GPR161: variants seen among roughly 807,000 people sequenced by gnomAD.
GPR161 encodes G protein-coupled receptor 161, also known as G-protein coupled receptor RE2.
GPR161 carries 25 observed loss-of-function variants against 39.2 expected under a neutral mutation model. The ratio of observed to expected loss-of-function variants is 0.64; its 90% CI spans 0.47 to 0.89. The LOEUF is 0.89. Ranked by LOEUF, GPR161 falls within the 40% of genes least tolerant of loss-of-function variation. GPR161 has a pLI of 0.00. For missense variants in GPR161, 547 were observed against 677.8 expected, an observed-to-expected ratio of 0.81 and a Z score of 2.14; for synonymous variants, 286 against 276.6, an observed-to-expected ratio of 1.03 and a Z score of -0.34.
At chr1:168,105,508 A>G (rs3820400) in intron 1 of GPR161, among the ~76,000 whole-genome samples, 103,874 of 152,084 alleles carry the variant, frequency 0.68, 36,727 homozygotes, top group African/African-American at 0.87. Flanking sequence ...GCACATTACA[A>G]TTTGACTGTA....
chr1:168,132,746 TGTTG>T (rs1485701240), intron 1 of GPR161, among the ~76,000 whole-genome samples: 1 of 152,140 alleles, frequency 6.6e-6, no homozygotes, highest in African/African-American at 2.4e-5. Context: ...TGTTGTTGTT[TGTTG>T]GTTGGTTTTT....
At chr1:168,109,680 A>G (rs1007615677) in intron 1 of GPR161, among the ~76,000 whole-genome samples, 2 of 152,208 alleles carry the variant, frequency 1.3e-5, no homozygotes, top group Non-Finnish European at 2.9e-5. Context: ...AAATTTATAC[A>G]TTCCGGCCAG....
chr1:168,133,953 CA>C, intron 1 of GPR161: 1 of 786,524 alleles, frequency 1.3e-6, no homozygotes, highest in Non-Finnish European at 1.5e-6. Context: ...GTGGTTATCT[CA>C]AAGGTGGGGA....
chr1:168,085,876 C>T, intron 5 of GPR161, 80 bp from the exon 6 acceptor site: 1 of 1,304,054 alleles, frequency 7.7e-7, no homozygotes, highest in Non-Finnish European at 1.1e-6. Flanking sequence ...GCTGCTGCTC[C>T]ACCACCCCGG....
At chr1:168,088,962 C>T (rs1300223411) in intron 4 of GPR161, 3 of 152,200 alleles carry the variant, frequency 2.0e-5, no homozygotes, top group Non-Finnish European at 2.9e-5. Context: ...TCACAGCTCT[C>T]GACACATTCA....
At chr1:168,137,556 A>G (rs1699477076), upstream of GPR161, 1 of 668,848 alleles carries the variant, frequency 1.5e-6, no homozygotes, top group Non-Finnish European at 2.6e-6. Flanking sequence ...CTCGGAACCA[A>G]AAGGCCAGGG....
chr1:168,093,417 C>T (rs7525424), intron 3 of GPR161, among the ~76,000 whole-genome samples: 11,506 of 152,252 alleles, frequency 0.076, 530 homozygotes, highest in Middle Eastern at 0.099. Context: ...AAAGGACACA[C>T]TGTCAACTGC....
chr1:168,108,279 C>T (rs1302766296), intron 1 of GPR161, among the ~76,000 whole-genome samples: 2 of 151,914 alleles, frequency 1.3e-5, no homozygotes, highest in South Asian at 2.1e-4. Flanking sequence ...ATCTACCCCA[C>T]AACAAAAACA....
intron 1 of GPR161, among the ~76,000 whole-genome samples, chr1:168,135,210 G>A (rs1276166719): frequency 6.6e-6 from 1 of 152,190 alleles, no homozygotes; most frequent in Admixed American, 6.5e-5. Flanking sequence ...GAAACCACGT[G>A]AAAAGCACTA....
At chr1:168,137,550 G>C (rs912304588), upstream of GPR161, 3 of 679,102 alleles carry the variant, frequency 4.4e-6, no homozygotes, top group African/African-American at 5.3e-5. Context: ...CACTCCCTCG[G>C]AACCAAAAGG....
chr1:168,100,362 C>CAAAA (rs2102155079), intron 2 of GPR161, among the ~76,000 whole-genome samples: 1 of 152,100 alleles, frequency 6.6e-6, no homozygotes, highest in South Asian at 2.1e-4. Context: ...GGGAAAACAA[C>CAAAA]AAAAGCAACT....
intron 4 of GPR161, among the ~76,000 whole-genome samples, chr1:168,089,854 C>T (rs1225956536): frequency 6.6e-6 from 1 of 152,234 alleles, no homozygotes; most frequent in Admixed American, 6.5e-5. Flanking sequence ...ACTCTGATGC[C>T]AGGAAGCCGA....
intron 1 of GPR161, among the ~76,000 whole-genome samples, chr1:168,126,087 CTA>C (rs1009216072): frequency 1.2e-4 from 18 of 152,208 alleles, no homozygotes; most frequent in Non-Finnish European, 1.6e-4. Context: ...CTGAAAACGT[CTA>C]TAGATGCTAT....
chr1:168,100,703 C>G (rs1696017849), intron 2 of GPR161, among the ~76,000 whole-genome samples: 1 of 152,230 alleles, frequency 6.6e-6, no homozygotes, highest in East Asian at 1.9e-4. Flanking sequence ...ACATTAACTT[C>G]CATGGAACAG....
intron 3 of GPR161, among the ~76,000 whole-genome samples, chr1:168,096,133 CAAAAAAAAAA>C (rs58096092): frequency 0.025 from 1,106 of 44,874 alleles, 22 homozygotes; most frequent in East Asian, 0.068. Context: ...GACCCTGTCT[CAAAAAAAAAA>C]AAAAAAAAAA....
chr1:168,119,724 G>A (rs188895909), intron 1 of GPR161, among the ~76,000 whole-genome samples: 133 of 152,274 alleles, frequency 8.7e-4, no homozygotes, highest in Admixed American at 2.6e-3. Flanking sequence ...GGAGGGATGC[G>A]CTGGGAGGTG....
At chr1:168,106,440 A>G (rs1696635486) in intron 1 of GPR161, among the ~76,000 whole-genome samples, 1 of 152,154 alleles carries the variant, frequency 6.6e-6, no homozygotes, top group Admixed American at 6.5e-5. Context: ...TACACAGAAA[A>G]TTATCCGGGA....
In GPR161 at chr1:168,082,583, G is replaced by A. The variant is rs1273466903; in HGVS notation, c.*2948C>T. On this transcript the variant is annotated 3_prime_UTR_variant, in exon 6 of 6. Coordinates refer to ENST00000682931, the MANE Select transcript of GPR161 (RefSeq NM_001375883.1). Reference sequence around the variant, plus strand: ...CCTGGTATCTGTGGCATAGCACAGGGACCCAATAAGGCGGAAATCTCAATG... The same window carrying A: ...CCTGGTATCTGTGGCATAGCACAGGAACCCAATAAGGCGGAAATCTCAATG... 6.6e-6 allele frequency: 1 copy of A among 152,322 alleles called. No individual in the cohort carries two copies. Among genetic ancestry groups the A allele is most frequent in the Non-Finnish European group, 1.5e-5 (1 of 68,102 alleles). 9.4% of individuals were successfully genotyped at this position (152,322 alleles called of 1,614,324 possible). A position where few individuals can be genotyped will look rare whatever the true frequency, so the allele number is the denominator to read the frequency against.
chr1:168,132,464 T>TGTA (rs931901265), intron 1 of GPR161, among the ~76,000 whole-genome samples: 2 of 150,930 alleles, frequency 1.3e-5, no homozygotes, highest in Non-Finnish European at 2.9e-5. Flanking sequence ...GGCAGGTGCC[T>TGTA]GTAGTCCCAG....
Sources: allele counts gnomAD v4.1 joint callset (sites outside exome capture counted in the v4.1 genomes callset), GRCh38; gene constraint gnomAD v4.1.1; transcripts MANE v1.5; gene names NCBI Gene and HGNC (gene_info 2026-07-23, HGNC 2026-07-21).